SH3PXD2A: variants seen among roughly 807,000 people sequenced by gnomAD.
SH3PXD2A encodes SH3 and PX domains 2A.
In SH3PXD2A, 32 loss-of-function variants were observed where a neutral mutation model predicts 115.2. The ratio of observed to expected loss-of-function variants is 0.28; its 90% CI spans 0.21 to 0.37. SH3PXD2A has a LOEUF of 0.37. Among genes scored for constraint, SH3PXD2A ranks in the 10% least tolerant of loss-of-function variants. The pLI is 1.00. For missense variants in SH3PXD2A, 1,328 were observed against 1,498.7 expected, an observed-to-expected ratio of 0.89 and a Z score of 1.88; for synonymous variants, 610 against 629.1, an observed-to-expected ratio of 0.97 and a Z score of 0.45.
intron 3 of SH3PXD2A, among the ~76,000 whole-genome samples, chr10:103,757,252 C>G (rs1033242747): frequency 2.0e-5 from 3 of 152,186 alleles, no homozygotes; most frequent in African/African-American, 7.2e-5. Flanking sequence ...ACTTTGCCAA[C>G]AAGCAAGGTG....
chr10:103,702,777 G>A (rs572441710), intron 5 of SH3PXD2A, among the ~76,000 whole-genome samples: 1 of 152,324 alleles, frequency 6.6e-6, no homozygotes, highest in South Asian at 2.1e-4. Context: ...TGAAGGCTGT[G>A]GCACCAGCTC....
chr10:103,791,152 C>T (rs1208314046), intron 2 of SH3PXD2A, among the ~76,000 whole-genome samples: 3 of 152,204 alleles, frequency 2.0e-5, no homozygotes, highest in Non-Finnish European at 4.4e-5. Context: ...TTACAATTTT[C>T]CCCAGTTTAC....
intron 3 of SH3PXD2A, among the ~76,000 whole-genome samples, chr10:103,757,881 C>T (rs575758060): frequency 5.9e-5 from 9 of 152,298 alleles, no homozygotes; most frequent in South Asian, 4.1e-4. Flanking sequence ...GCCTGGGCTG[C>T]GGCCTGGGCT....
At chr10:103,718,407 A>G (rs1022965774) in intron 5 of SH3PXD2A, among the ~76,000 whole-genome samples, 2 of 152,198 alleles carry the variant, frequency 1.3e-5, no homozygotes, top group African/African-American at 4.8e-5. Flanking sequence ...CAATTCACAC[A>G]GGAGAGACCA....
chr10:103,644,114 C>CAAAAA (rs71019685), intron 8 of SH3PXD2A, among the ~76,000 whole-genome samples: 2 of 72,272 alleles, frequency 2.8e-5, no homozygotes, highest in Admixed American at 1.9e-4. Flanking sequence ...GGCTCCATCC[C>CAAAAA]AAAAAAAAAA....
chr10:103,648,926 T>G (rs1029826625), intron 8 of SH3PXD2A, among the ~76,000 whole-genome samples: 1 of 152,206 alleles, frequency 6.6e-6, no homozygotes, highest in East Asian at 1.9e-4. Context: ...CTCCAGAAAT[T>G]TAATCTGTGA....
intron 6 of SH3PXD2A, among the ~76,000 whole-genome samples, chr10:103,668,948 G>A (rs1046066808): frequency 2.3e-4 from 35 of 152,370 alleles, no homozygotes; most frequent in African/African-American, 7.9e-4. Context: ...TCCCTGGAAC[G>A]GGGCCCGTGG....
intron 4 of SH3PXD2A, among the ~76,000 whole-genome samples, chr10:103,726,166 A>G (rs181550643): frequency 2.1e-3 from 318 of 152,318 alleles, no homozygotes; most frequent in Admixed American, 4.2e-3. Context: ...GGACTGGAGG[A>G]GTCAACAAAC....
intron 9 of SH3PXD2A, among the ~76,000 whole-genome samples, chr10:103,623,768 C>T (rs188950538): frequency 5.3e-5 from 8 of 152,348 alleles, no homozygotes; most frequent in Admixed American, 5.2e-4. Context: ...CTGGCATGAG[C>T]CTAGACAAGG....
At chr10:103,721,621 C>T (rs2038182799) in intron 5 of SH3PXD2A, among the ~76,000 whole-genome samples, 1 of 152,226 alleles carries the variant, frequency 6.6e-6, no homozygotes, top group Non-Finnish European at 1.5e-5. Flanking sequence ...TGGCCAGGCA[C>T]ACGATCACGG....
At chr10:103,625,746 C>T (rs1170272673) in intron 9 of SH3PXD2A, among the ~76,000 whole-genome samples, 1 of 152,150 alleles carries the variant, frequency 6.6e-6, no homozygotes, top group African/African-American at 2.4e-5. Context: ...AAAAATTAGC[C>T]AGGCGTAGTG....
rs185122458 is a variant in SH3PXD2A, at chr10:103,661,708, G to A, written c.473-594C>T. ...AGAGAGCGGGAGAGAGCTTCTCCAC[G>A]GCCCAGGCCCAGGCGAGGAGTCAAG... On this transcript the variant is annotated intron_variant, in intron 7 of 14. Coordinates refer to ENST00000369774, the MANE Select transcript of SH3PXD2A (RefSeq NM_001394015.1). The A allele has an allele frequency of 1.4e-4, 138 of 985,290 alleles. 2 individuals are homozygous for A. In the Middle Eastern group the frequency reaches 2.1e-3, roughly 15 times the overall value. 61.0% of individuals were successfully genotyped at this position (985,290 alleles called of 1,614,324 possible). A position where few individuals can be genotyped will look rare whatever the true frequency, so the allele number is the denominator to read the frequency against.
intron 9 of SH3PXD2A, among the ~76,000 whole-genome samples, chr10:103,623,207 T>C (rs1203477388): frequency 6.6e-6 from 1 of 151,916 alleles, no homozygotes; most frequent in African/African-American, 2.4e-5. Flanking sequence ...CAAGGGTGGG[T>C]GCCAGAGGCC....
At chr10:103,724,230 G>T (rs570823681) in intron 5 of SH3PXD2A, 40 bp downstream of exon 5, 2 of 1,191,810 alleles carry the variant, frequency 1.7e-6, no homozygotes, top group South Asian at 1.7e-5. Context: ...TTTAGCCCAC[G>T]CCTCCCCAGC....
chr10:103,613,175 C>G lies in SH3PXD2A; in HGVS notation c.936G>C (p.Glu312Asp). The change falls in exon 12 of 15, where the codon GAG becomes GAC. Residue 312 changes from glutamate to aspartate, a missense_variant. This residue lies in a region of SH3PXD2A where 509 missense variants were observed against 628.3 expected (regional missense o/e 0.81). Coordinates refer to ENST00000369774, the MANE Select transcript of SH3PXD2A (RefSeq NM_001394015.1). The part of the protein sequence containing the change: ...GWWYIRYLGK[E>D]GWAPASYLKK... ...TCAGGTAGGATGCTGGCGCCCAGCC[C>G]TCTTTGCCCAGGTATCTGTGGGGAG... 1 of 1,601,372 alleles carries G rather than the reference C, an allele frequency of 6.2e-7. No individual in the cohort carries two copies. Among genetic ancestry groups the G allele is most frequent in the South Asian group, 1.1e-5 (1 of 88,630 alleles).
intron 10 of SH3PXD2A, among the ~76,000 whole-genome samples, chr10:103,619,812 G>A (rs968820275): frequency 1.3e-5 from 2 of 152,216 alleles, no homozygotes; most frequent in Non-Finnish European, 2.9e-5. Flanking sequence ...AGGAGTTCAC[G>A]TGCTGCTGGT....
chr10:103,817,969 T>C, intron 1 of SH3PXD2A, among the ~76,000 whole-genome samples: 1 of 152,330 alleles, frequency 6.6e-6, no homozygotes, highest in Non-Finnish European at 1.5e-5. Context: ...CTTTCTGGGA[T>C]GATGAAAATG....
chr10:103,789,923 T>A (rs2039018313), intron 2 of SH3PXD2A, among the ~76,000 whole-genome samples: 1 of 152,048 alleles, frequency 6.6e-6, no homozygotes. Flanking sequence ...TATTCAACAA[T>A]GAGAGAGGCA....
intron 1 of SH3PXD2A, among the ~76,000 whole-genome samples, chr10:103,847,821 C>T (rs1000292647): frequency 6.6e-6 from 1 of 152,138 alleles, no homozygotes; most frequent in African/African-American, 2.4e-5. Context: ...TGCCTGTAAT[C>T]CCAGCTACTT....
Sources: gnomAD v4.1 joint callset for allele counts (sites outside exome capture counted in the v4.1 genomes callset) on GRCh38, gnomAD v4.1.1 for gene constraint, gnomAD v4.1.1 regional missense constraint, MANE v1.5 for transcripts, NCBI Gene and HGNC (gene_info 2026-07-23, HGNC 2026-07-21) for gene names.